The following GPHN variants were observed in gnomAD, a reference collection of about 807,000 sequenced individuals.
The protein encoded by GPHN is gephyrin.
A neutral mutation model predicts 95.5 loss-of-function variants in GPHN; 17 were observed. The observed-to-expected ratio is 0.18, with a 90% CI of 0.12 to 0.27. GPHN has a LOEUF of 0.27. GPHN is among the 10% of genes least tolerant of loss of function. The pLI is 1.00. For missense variants in GPHN, 660 were observed against 978.1 expected (o/e 0.67, Z 4.34); for synonymous variants, 320 against 322.5 (o/e 0.99, Z 0.08).
At chr14:66,789,848 C>A (rs933726549) in intron 3 of GPHN, among the ~76,000 whole-genome samples, 2 of 152,200 alleles carry the variant, frequency 1.3e-5, no homozygotes, top group East Asian at 3.8e-4. Flanking sequence ...CTTTCCATAA[C>A]TGACATTAGC....
the GPHN span, chr14:67,473,715 C>T: frequency 1.6e-5 from 25 of 1,602,078 alleles, no homozygotes; most frequent in Middle Eastern, 3.3e-4. This position sits in a 1 kb window ranked among gnomAD's most constrained non-coding sequence, Gnocchi z 6.5. Flanking sequence ...CAGCGGGCAG[C>T]GGCCGCGCAG....
At chr14:67,478,422 C>T in the GPHN span, among the ~76,000 whole-genome samples, 3 of 152,246 alleles carry the variant, frequency 2.0e-5, no homozygotes, top group Non-Finnish European at 4.4e-5. Flanking sequence ...CTCTGGTTCA[C>T]GCCCTCATCA....
intron 3 of GPHN, among the ~76,000 whole-genome samples, chr14:66,795,978 C>T (rs996661025): frequency 2.0e-5 from 3 of 152,070 alleles, no homozygotes; most frequent in African/African-American, 4.8e-5. Context: ...CCACCTTACC[C>T]TCTCCCCCTC....
intron 1 of GPHN, among the ~76,000 whole-genome samples, chr14:66,622,451 C>T (rs572635210): frequency 2.0e-5 from 3 of 152,300 alleles, no homozygotes; most frequent in African/African-American, 4.8e-5. Context: ...TTCAGCTCCT[C>T]ATTACTTTTG....
chr14:67,618,475 G>T, the GPHN span, among the ~76,000 whole-genome samples: 1 of 152,252 alleles, frequency 6.6e-6, no homozygotes, highest in East Asian at 1.9e-4. Context: ...CTGGGCTCAA[G>T]AGATTCTCCC....
the GPHN span, among the ~76,000 whole-genome samples, chr14:67,417,688 C>T: frequency 6.6e-6 from 1 of 151,904 alleles, no homozygotes. Context: ...GCCTTGGCCT[C>T]CCAAAGTGTT....
At chr14:67,247,058 T>C in the GPHN span, among the ~76,000 whole-genome samples, 3,650 of 152,330 alleles carry the variant, frequency 0.024, 70 homozygotes, top group Non-Finnish European at 0.036. Context: ...CTGTATGATA[T>C]TTAGAATCAT....
At chr14:67,373,445 T>C in the GPHN span, among the ~76,000 whole-genome samples, 1 of 152,178 alleles carries the variant, frequency 6.6e-6, no homozygotes, top group African/African-American at 2.4e-5. Flanking sequence ...TTTGACAAAA[T>C]TTGTCACCCA....
intron 3 of GPHN, among the ~76,000 whole-genome samples, chr14:66,784,281 G>A (rs547197837): frequency 1.3e-5 from 2 of 151,976 alleles, no homozygotes; most frequent in African/African-American, 2.4e-5. Flanking sequence ...TTCAAGTGCT[G>A]GAAAAAAGAA....
At chr14:67,094,979 A>T (rs1383471628) in intron 12 of GPHN, among the ~76,000 whole-genome samples, 2 of 152,200 alleles carry the variant, frequency 1.3e-5, no homozygotes, top group African/African-American at 2.4e-5. Flanking sequence ...GTTGTATAAT[A>T]GGCTATACCA....
chr14:66,952,834 A>C (rs1201600430), intron 8 of GPHN, among the ~76,000 whole-genome samples: 1 of 152,052 alleles, frequency 6.6e-6, no homozygotes, highest in African/African-American at 2.4e-5. Context: ...AGCTAGGATT[A>C]CAGGTGCCCG....
At chr14:67,575,975 C>G in the GPHN span, 1 of 1,613,566 alleles carries the variant, frequency 6.2e-7, no homozygotes, top group African/African-American at 1.3e-5. Flanking sequence ...ACAGCCCCAC[C>G]TACCTCCTCA....
chr14:67,177,006 G>A (rs995125890), intron 21 of GPHN, among the ~76,000 whole-genome samples: 1 of 151,954 alleles, frequency 6.6e-6, no homozygotes, highest in Non-Finnish European at 1.5e-5. Flanking sequence ...TATCTATTTT[G>A]TTGACCTTTT....
At chr14:67,529,780 AGTAACCTCCTGACT>A in the GPHN span, among the ~76,000 whole-genome samples, 1 of 152,180 alleles carries the variant, frequency 6.6e-6, no homozygotes, top group South Asian at 2.1e-4. Context: ...CAGCAGTAGA[AGTAACCTCCTGACT>A]TCTTTGTGAC....
chr14:67,328,405 G>C, the GPHN span, among the ~76,000 whole-genome samples: 1 of 152,184 alleles, frequency 6.6e-6, no homozygotes. Flanking sequence ...TGGGTAGATG[G>C]TAAAAATTTT....
At chr14:66,912,356 T>G (rs1201865408) in intron 5 of GPHN, among the ~76,000 whole-genome samples, 1 of 152,132 alleles carries the variant, frequency 6.6e-6, no homozygotes, top group Non-Finnish European at 1.5e-5. Context: ...AGCCTTCTCT[T>G]AACTACCCCT....
chr14:66,975,803 T>C (rs1314642109), intron 9 of GPHN, among the ~76,000 whole-genome samples: 1 of 152,100 alleles, frequency 6.6e-6, no homozygotes, highest in Non-Finnish European at 1.5e-5. Context: ...ACCCAGGCGG[T>C]TAAGGCTGCA....
At chr14:67,597,043 T>C in the GPHN span, among the ~76,000 whole-genome samples, 5 of 152,358 alleles carry the variant, frequency 3.3e-5, no homozygotes, top group Middle Eastern at 6.8e-3. Context: ...TGTAAACTAT[T>C]TGGGCCTGTG....
At position 66,972,285 on chromosome 14, in the gene GPHN, GAAAGAAAAA is replaced by G. The variant is rs1401289806; in HGVS notation, c.963+6971_963+6979del. ...TCTGTCTCAAAAAAAAAAAAAAAAAGAAAGAAAAAAAAGAAAAAAGCTAGAAATAGTATT... is the reference window on the plus strand; with the variant it reads ...TCTGTCTCAAAAAAAAAAAAAAAAAGAAAGAAAAAAGCTAGAAATAGTATT... On this transcript the variant is annotated intron_variant, in intron 9 of 22. Transcript: ENST00000478722. 9.7e-5 allele frequency among the ~76,000 whole-genome samples: 12 copies of G among 123,584 alleles called. No individual in the cohort carries two copies. The East Asian group carries it at 1.2e-3, about 13-fold the overall frequency. 81.1% of individuals were successfully genotyped at this position (123,584 alleles called of 152,430 possible). A position where few individuals can be genotyped will look rare whatever the true frequency, so the allele number is the denominator to read the frequency against.
Sources: allele counts gnomAD v4.1 joint callset (sites outside exome capture counted in the v4.1 genomes callset), GRCh38; gene constraint gnomAD v4.1.1; non-coding constraint Gnocchi (gnomAD v3.1); transcripts MANE v1.5; gene names NCBI Gene and HGNC (gene_info 2026-07-23, HGNC 2026-07-21).